Variants in MISP observed in about 807,000 individuals in gnomAD.
The protein encoded by MISP is mitotic spindle positioning, also known as mitotic interactor and substrate of PLK1.
Under a neutral mutation model 49.3 loss-of-function variants are expected in MISP, and 51 were observed. That is an observed-to-expected ratio of 1.03 (90% CI 0.83 to 1.31). MISP has a LOEUF of 1.31. MISP is among the 50% of genes most tolerant of loss of function. The pLI is 0.00. For missense variants in MISP, 1,084 were observed against 935.1 expected (o/e 1.16, Z -2.08); for synonymous variants, 444 against 392.6 (o/e 1.13, Z -1.55).
chr19:763,390 G>A, intron 4 of MISP, 111 bp from the exon 5 acceptor site: 1 of 716,726 alleles, frequency 1.4e-6, no homozygotes, highest in South Asian at 1.6e-5. Context: ...CAGAGGAGGG[G>A]ATCCTACTTT....
chr19:754,313 A>C (rs920142242), intron 1 of MISP, among the ~76,000 whole-genome samples: 2 of 152,166 alleles, frequency 1.3e-5, no homozygotes, highest in African/African-American at 4.8e-5. Context: ...AAATACAAAA[A>C]ATTAGCCAGG....
rs532401274 is a variant in MISP at position 761,508 on chromosome 19, G to A, written c.1912-117G>A. 37 of 1,123,066 alleles carry A rather than the reference G, an allele frequency of 3.3e-5. No individual in the cohort carries two copies. The Admixed American group carries it at 6.4e-4, about 19-fold the overall frequency. The allele number at this position is 1,123,066 out of a possible 1,614,324, so 69.6% of individuals were successfully genotyped here. A position where few individuals can be genotyped will look rare whatever the true frequency, so the allele number is the denominator to read the frequency against. ...CACGTGTTGAGAACACTCAGGGCAG[G>A]GGATGCCTTCCACTCTTCCCCAAAT... On this transcript the variant is annotated intron_variant, in intron 3 of 4. Transcript: ENST00000215582.
At chr19:762,388 G>A (rs2033687727) in intron 4 of MISP, among the ~76,000 whole-genome samples, 1 of 151,084 alleles carries the variant, frequency 6.6e-6, no homozygotes, top group African/African-American at 2.4e-5. Flanking sequence ...AAGTTGCTGG[G>A]ATTACAGGCA....
intron 1 of MISP, among the ~76,000 whole-genome samples, chr19:752,716 C>T (rs373931681): frequency 1.3e-5 from 2 of 151,894 alleles, no homozygotes; most frequent in East Asian, 1.9e-4. Flanking sequence ...AGACCCGGCA[C>T]CTGCTCGAGG....
chr19:752,905 G>C (rs1599179454), intron 1 of MISP, among the ~76,000 whole-genome samples: 1 of 152,152 alleles, frequency 6.6e-6, no homozygotes, highest in South Asian at 2.1e-4. Context: ...CGGTGGAGCC[G>C]GTCTGCATTC....
At chr19:753,449 G>A (rs951422856) in intron 1 of MISP, among the ~76,000 whole-genome samples, 8 of 144,226 alleles carry the variant, frequency 5.5e-5, no homozygotes, top group Admixed American at 4.2e-4. Context: ...GCAATGGTGC[G>A]ATCTCAGCTC....
At position 757,327 on chromosome 19, in the gene MISP, T is replaced by A; in HGVS notation, c.381T>A (p.Asp127Glu). The change falls in exon 2 of 5, where the codon GAT becomes GAA. Residue 127 changes from aspartate to glutamate, a missense_variant. Transcript: ENST00000215582. ...EDKEMKTYRL[D>E]AGDADPRRLC... ...AGGAGATGAAGACCTACCGCCTGGA[T>A]GCTGGGGACGCTGACCCCAGGAGGC... 6.2e-7 allele frequency: 1 copy of A among 1,613,924 alleles called. No homozygotes were observed. The highest frequency in any genetic ancestry group is 1.3e-5 in the African/African-American group (1 of 75,024).
At chr19:751,906 C>G (rs779605328) in intron 1 of MISP, among the ~76,000 whole-genome samples, 1 of 152,202 alleles carries the variant, frequency 6.6e-6, no homozygotes, top group Non-Finnish European at 1.5e-5. Flanking sequence ...ACAAGGGAAC[C>G]TTTGCCCCTC....
chr19:757,102 C>T lies in MISP; in HGVS notation c.156C>T (p.Pro52=), dbSNP rs1446220501. 1 of 1,613,122 alleles carries T rather than the reference C, an allele frequency of 6.2e-7. No individual in the cohort carries two copies. The highest frequency in any genetic ancestry group is 1.7e-5 in the Admixed American group (1 of 59,978). The change falls in exon 2 of 5, where the codon CCC becomes CCT. Residue 52 remains proline, a synonymous_variant. Transcript: ENST00000215582. The part of the protein sequence containing the change: ...GWGQDEPQTW[P]TDHRAQQGVQ... ...GCCAGGATGAGCCGCAGACATGGCC[C>T]ACTGACCACAGGGCCCAGCAGGGCG...
upstream of MISP, among the ~76,000 whole-genome samples, chr19:750,789 A>G (rs1011011842): frequency 3.9e-5 from 6 of 152,234 alleles, no homozygotes; most frequent in East Asian, 9.7e-4. Flanking sequence ...GCCACTGTGC[A>G]CGCTGAGCTG....
At chr19:750,269 G>A (rs1172239037), upstream of MISP, among the ~76,000 whole-genome samples, 2 of 140,058 alleles carry the variant, frequency 1.4e-5, no homozygotes, top group South Asian at 2.3e-4. Flanking sequence ...GTGTGATCTC[G>A]GCTCACTGCA....
intron 1 of MISP, among the ~76,000 whole-genome samples, chr19:752,092 G>T (rs2033467854): frequency 6.6e-6 from 1 of 152,182 alleles, no homozygotes; most frequent in Non-Finnish European, 1.5e-5. Context: ...CACTTGCTCT[G>T]TCATCGCTGT....
upstream of MISP, among the ~76,000 whole-genome samples, chr19:749,285 G>C (rs558509738): frequency 4.6e-5 from 7 of 152,334 alleles, no homozygotes; most frequent in Non-Finnish European, 8.8e-5. Context: ...TGGTGAGTGT[G>C]GTGGAGAGCA....
rs758927932 is a variant in MISP, at chr19:757,802, G to A, written c.856G>A (p.Gly286Arg). The A allele has an allele frequency of 2.5e-6, 4 of 1,612,154 alleles. No homozygotes were observed. The highest frequency in any genetic ancestry group is 2.2e-5 in the South Asian group (2 of 91,002). The change falls in exon 2 of 5, where the codon GGG becomes AGG. Residue 286 changes from glycine to arginine, a missense_variant. Physicochemically the swap from Gly to Arg is moderately radical, Grantham distance 125 (BLOSUM62 -2). Coordinates refer to ENST00000215582, the MANE Select transcript of MISP (RefSeq NM_173481.4). Reference protein sequence around the residue: ...PGSLASVESPGTPKETPIERE... With the variant: ...PGSLASVESPRTPKETPIERE... The stretch of plus-strand genomic sequence containing the variant: ...CTCCTTGGCCTCAGTGGAGTCCCCG[G>A]GGACCCCCAAGGAGACGCCCATCGA...
chr19:760,293 A>T, intron 3 of MISP: 1 of 421,866 alleles, frequency 2.4e-6, no homozygotes, highest in Non-Finnish European at 4.3e-6. Context: ...TCCAGGATCA[A>T]AGACCAAAGG....
intron 4 of MISP, among the ~76,000 whole-genome samples, chr19:763,105 A>T (rs1050032153): frequency 6.6e-6 from 1 of 152,122 alleles, no homozygotes; most frequent in African/African-American, 2.4e-5. Flanking sequence ...GTGAAACCCC[A>T]TCTCTACTAA....
chr19:759,856 G>C (rs1485393493), intron 2 of MISP, 53 bp from the exon 3 acceptor site: 2 of 1,603,918 alleles, frequency 1.2e-6, no homozygotes, highest in African/African-American at 1.3e-5. Flanking sequence ...TCTGTCTCCC[G>C]AGCAGAGGTC....
At chr19:760,364 CTT>C (rs34363064) in intron 3 of MISP, 758 of 129,498 alleles carry the variant, frequency 5.9e-3, no homozygotes, top group South Asian at 0.015. Flanking sequence ...GCATTAGTTT[CTT>C]TTTTTTTTTT....
intron 1 of MISP, among the ~76,000 whole-genome samples, chr19:754,501 C>G (rs1294825536): frequency 2.0e-5 from 3 of 152,068 alleles, no homozygotes; most frequent in Non-Finnish European, 4.4e-5. Flanking sequence ...GGGGCGGGTG[C>G]CCGTAGTCCC....
Sources: allele counts gnomAD v4.1 joint callset (sites outside exome capture counted in the v4.1 genomes callset), GRCh38; gene constraint gnomAD v4.1.1; transcripts MANE v1.5; gene names NCBI Gene and HGNC (gene_info 2026-07-23, HGNC 2026-07-21).